The following SCHIP1 variants were observed in gnomAD, a reference collection of about 807,000 sequenced individuals.
The protein encoded by SCHIP1 is schwannomin interacting protein 1, also known as schwannomin-interacting protein 1.
Under a neutral mutation model 29.7 loss-of-function variants are expected in SCHIP1, and 8 were observed. The ratio of observed to expected loss-of-function variants is 0.27; its 90% confidence interval spans 0.16 to 0.49. The LOEUF (loss-of-function observed/expected upper bound fraction) is 0.49, where lower values mean the gene tolerates loss of function less well. Ranked by LOEUF, SCHIP1 falls within the 20% of genes least tolerant of loss-of-function variation. The pLI, the probability that SCHIP1 is intolerant of heterozygous loss-of-function variation, is 0.99. For missense variants in SCHIP1, 193 were observed against 294.6 expected, an observed-to-expected ratio of 0.66 and a Z score of 2.52; for synonymous variants, 76 against 94.9, an observed-to-expected ratio of 0.80 and a Z score of 1.16.
At chr3:159,578,920 A>T in the SCHIP1 span, among the ~76,000 whole-genome samples, 1 of 152,154 alleles carries the variant, frequency 6.6e-6, no homozygotes, top group Non-Finnish European at 1.5e-5. Context: ...TCCCTTTGCC[A>T]TGTGAAATAG....
intron 1 of SCHIP1, chr3:159,840,296 T>C: frequency 1.6e-6 from 2 of 1,243,782 alleles, no homozygotes; most frequent in Non-Finnish European, 2.3e-6. Flanking sequence ...GTTGCCTCTT[T>C]CCGGATATTC....
the SCHIP1 span, among the ~76,000 whole-genome samples, chr3:159,472,917 A>C: frequency 6.6e-6 from 1 of 152,334 alleles, no homozygotes; most frequent in East Asian, 1.9e-4. Context: ...CAGTTGAGTC[A>C]AATGTTTGTT....
chr3:159,703,460 G>C, the SCHIP1 span, among the ~76,000 whole-genome samples: 7 of 152,170 alleles, frequency 4.6e-5, no homozygotes, highest in South Asian at 2.1e-4. Flanking sequence ...ATATACCATA[G>C]AGATATGGGT....
intron 1 of SCHIP1, among the ~76,000 whole-genome samples, chr3:159,850,286 G>T (rs1256348065): frequency 6.6e-6 from 1 of 152,156 alleles, no homozygotes; most frequent in South Asian, 2.1e-4. Flanking sequence ...AGGCATGGTG[G>T]CTTACACCTG....
At chr3:159,414,281 C>G in the SCHIP1 span, among the ~76,000 whole-genome samples, 1 of 152,140 alleles carries the variant, frequency 6.6e-6, no homozygotes, top group Non-Finnish European at 1.5e-5. Context: ...TATTCCCATC[C>G]TACACGTCAA....
chr3:159,538,693 G>A, the SCHIP1 span, among the ~76,000 whole-genome samples: 9 of 152,200 alleles, frequency 5.9e-5, no homozygotes, highest in African/African-American at 1.2e-4. Flanking sequence ...CTGTACCTGC[G>A]AAGCCACTGT....
At chr3:159,760,596 G>A in the SCHIP1 span, among the ~76,000 whole-genome samples, 3 of 152,112 alleles carry the variant, frequency 2.0e-5, no homozygotes, top group East Asian at 1.9e-4. Context: ...AGATATTATC[G>A]TTAATAATTC....
chr3:159,782,242 C>T, the SCHIP1 span, among the ~76,000 whole-genome samples: 2 of 152,194 alleles, frequency 1.3e-5, no homozygotes, highest in Non-Finnish European at 2.9e-5. Context: ...CATTAGATGC[C>T]CATACTGGGG....
the SCHIP1 span, among the ~76,000 whole-genome samples, chr3:159,366,836 A>G: frequency 2.7e-4 from 41 of 152,210 alleles, no homozygotes. Flanking sequence ...AGGAAAAAAG[A>G]GTCTACATCA....
At chr3:159,449,893 G>A in the SCHIP1 span, among the ~76,000 whole-genome samples, 1 of 148,048 alleles carries the variant, frequency 6.8e-6, no homozygotes, top group African/African-American at 2.5e-5. Flanking sequence ...AAGAAGGGAA[G>A]AAAAAGAGAA....
At chr3:159,837,921 C>A (rs1233922692), upstream of SCHIP1, among the ~76,000 whole-genome samples, 1 of 152,156 alleles carries the variant, frequency 6.6e-6, no homozygotes, top group Non-Finnish European at 1.5e-5. Flanking sequence ...ATTCATCAAG[C>A]TTTCATTGTG....
the SCHIP1 span, among the ~76,000 whole-genome samples, chr3:159,526,330 G>A: frequency 3.3e-5 from 5 of 151,998 alleles, no homozygotes; most frequent in Admixed American, 6.6e-5. Context: ...CACTGTGCCC[G>A]GCTAATTTTT....
At chr3:159,870,913 T>C (rs1715189092) in intron 2 of SCHIP1, among the ~76,000 whole-genome samples, 1 of 152,096 alleles carries the variant, frequency 6.6e-6, no homozygotes, top group African/African-American at 2.4e-5. Context: ...CATTTCTCTC[T>C]GGGCCTGGTG....
chr3:159,426,147 G>C, the SCHIP1 span, among the ~76,000 whole-genome samples: 1 of 152,002 alleles, frequency 6.6e-6, no homozygotes, highest in South Asian at 2.1e-4. Context: ...AAAAGCAAGA[G>C]CAAACACATT....
chr3:159,363,795 G>A, the SCHIP1 span, among the ~76,000 whole-genome samples: 1 of 152,112 alleles, frequency 6.6e-6, no homozygotes, highest in African/African-American at 2.4e-5. Flanking sequence ...CATTTGTTTG[G>A]TGTCAGTTGT....
chr3:159,626,089 TATAGATAGATAG>T, the SCHIP1 span, among the ~76,000 whole-genome samples: 675 of 98,092 alleles, frequency 6.9e-3, 9 homozygotes, highest in South Asian at 0.023. Context: ...GTGCAGCTTA[TATAGATAGATAG>T]ATAGATAGAT....
the SCHIP1 span, among the ~76,000 whole-genome samples, chr3:159,538,537 G>C: frequency 6.6e-6 from 1 of 152,084 alleles, no homozygotes; most frequent in Non-Finnish European, 1.5e-5. Flanking sequence ...AATTTACTGT[G>C]CATAATACCT....
chr3:159,569,068 T>C, the SCHIP1 span, among the ~76,000 whole-genome samples: 17 of 152,286 alleles, frequency 1.1e-4, no homozygotes, highest in African/African-American at 3.4e-4. Context: ...CTACCCAATG[T>C]ATTGTTTTGC....
At chr3:159,765,200 C>A in the SCHIP1 span, 10 of 1,467,946 alleles carry the variant, frequency 6.8e-6, no homozygotes, top group Non-Finnish European at 9.1e-6. Flanking sequence ...GCGCACAGCC[C>A]GCACGCCCCC....
Sources: allele counts gnomAD v4.1 joint callset (sites outside exome capture counted in the v4.1 genomes callset), GRCh38; gene constraint gnomAD v4.1.1; transcripts MANE v1.5; gene names NCBI Gene and HGNC (gene_info 2026-07-23, HGNC 2026-07-21).